Variants in CCSER1 observed in about 807,000 individuals in gnomAD.
CCSER1 encodes the protein serine-rich coiled-coil domain-containing protein 1.
Under a neutral mutation model 82.0 loss-of-function variants are expected in CCSER1, and 41 were observed. That is an observed-to-expected ratio of 0.50 (90% CI 0.39 to 0.65). CCSER1 has a LOEUF of 0.65. Ranked by LOEUF, CCSER1 falls within the 30% of genes least tolerant of loss-of-function variation. CCSER1 has a pLI of 0.00. For missense variants in CCSER1, 1,119 were observed against 1,064.2 expected (o/e 1.05, Z -0.72); for synonymous variants, 414 against 383.9 (o/e 1.08, Z -0.92).
At chr4:90,139,198 A>G (rs1399649237) in intron 1 of CCSER1, among the ~76,000 whole-genome samples, 1 of 151,364 alleles carries the variant, frequency 6.6e-6, no homozygotes, top group East Asian at 1.9e-4. Context: ...TCATAGAGAA[A>G]CTCTTATTTA....
At chr4:90,868,292 C>A (rs1765994316) in intron 8 of CCSER1, among the ~76,000 whole-genome samples, 1 of 151,994 alleles carries the variant, frequency 6.6e-6, no homozygotes, top group Non-Finnish European at 1.5e-5. Flanking sequence ...TGGCCTTATT[C>A]TTTCTAACTA....
chr4:90,463,602 C>A (rs1157149448), intron 4 of CCSER1, among the ~76,000 whole-genome samples: 2 of 151,994 alleles, frequency 1.3e-5, no homozygotes, highest in African/African-American at 2.4e-5. Context: ...TACATGGATC[C>A]TGGATATTTG....
chr4:90,907,700 T>A (rs1351937233), intron 8 of CCSER1, among the ~76,000 whole-genome samples: 1 of 152,032 alleles, frequency 6.6e-6, no homozygotes, highest in African/African-American at 2.4e-5. Flanking sequence ...TTTTTACCCG[T>A]TGTTTAATAT....
chr4:90,521,651 A>T (rs1419832483), intron 5 of CCSER1, among the ~76,000 whole-genome samples: 1 of 152,162 alleles, frequency 6.6e-6, no homozygotes, highest in African/African-American at 2.4e-5. Flanking sequence ...TTCAGGTTAG[A>T]GATAGAAACA....
intron 10 of CCSER1, among the ~76,000 whole-genome samples, chr4:91,166,692 T>C (rs1319176676): frequency 6.6e-6 from 1 of 151,586 alleles, no homozygotes; most frequent in Non-Finnish European, 1.5e-5. Flanking sequence ...TAAAGTTAGA[T>C]GAGAAAATAT....
chr4:91,240,272 T>G (rs1739305041), intron 10 of CCSER1, among the ~76,000 whole-genome samples: 1 of 64,338 alleles, frequency 1.6e-5, no homozygotes. Flanking sequence ...GAGACGGGGT[T>G]TCCCTGTGTT....
chr4:90,740,611 T>C (rs1746376645), intron 7 of CCSER1, among the ~76,000 whole-genome samples: 1 of 152,176 alleles, frequency 6.6e-6, no homozygotes, highest in Non-Finnish European at 1.5e-5. Context: ...TTCAGAAAGG[T>C]TGGTACAAGA....
intron 7 of CCSER1, among the ~76,000 whole-genome samples, chr4:90,737,393 C>G (rs1414203480): frequency 2.6e-5 from 4 of 152,046 alleles, no homozygotes; most frequent in Admixed American, 2.0e-4. Flanking sequence ...ATAAACTATT[C>G]TAGGATATAG....
chr4:90,236,258 G>T (rs1033226810), intron 1 of CCSER1, among the ~76,000 whole-genome samples: 2 of 152,128 alleles, frequency 1.3e-5, no homozygotes, highest in East Asian at 3.9e-4. Flanking sequence ...TGGAGGAAAA[G>T]AATCTTATGT....
intron 10 of CCSER1, among the ~76,000 whole-genome samples, chr4:91,189,349 G>A (rs549601488): frequency 2.0e-4 from 31 of 152,270 alleles, no homozygotes; most frequent in Admixed American, 1.2e-3. Flanking sequence ...GTACATGAAT[G>A]TACTTATTTT....
chr4:91,537,797 A>C (rs893702745), intron 10 of CCSER1, among the ~76,000 whole-genome samples: 3 of 140,546 alleles, frequency 2.1e-5, no homozygotes, highest in Admixed American at 7.3e-5. Context: ...CAGAGTATAT[A>C]TATTCCATGT....
chr4:90,545,741 A>G (rs1457342608), intron 5 of CCSER1, among the ~76,000 whole-genome samples: 1 of 152,158 alleles, frequency 6.6e-6, no homozygotes, highest in Admixed American at 6.6e-5. Context: ...GATATCTCAT[A>G]GTAAACTTCG....
At chr4:91,405,852 T>C (rs1405176554) in intron 10 of CCSER1, among the ~76,000 whole-genome samples, 3 of 152,150 alleles carry the variant, frequency 2.0e-5, no homozygotes. Flanking sequence ...CACCCTGCTT[T>C]GGCTTAATCT....
chr4:90,391,474 A>G (rs1578239561), intron 3 of CCSER1, among the ~76,000 whole-genome samples: 1 of 95,064 alleles, frequency 1.1e-5, no homozygotes, highest in Non-Finnish European at 1.9e-5. Flanking sequence ...ATATATATAT[A>G]TATATATATA....
chr4:90,595,002 T>A (rs1166805457), intron 5 of CCSER1, among the ~76,000 whole-genome samples: 1 of 152,074 alleles, frequency 6.6e-6, no homozygotes, highest in Admixed American at 6.6e-5. Context: ...TATATTTTTA[T>A]ACTTTAAGTG....
chr4:90,724,485 A>C (rs1271136874), intron 7 of CCSER1, among the ~76,000 whole-genome samples: 1 of 151,908 alleles, frequency 6.6e-6, no homozygotes, highest in African/African-American at 2.4e-5. Context: ...GTAAATATGC[A>C]AATAAGTATG....
intron 10 of CCSER1, among the ~76,000 whole-genome samples, chr4:91,086,453 T>A (rs955109118): frequency 6.6e-6 from 1 of 152,000 alleles, no homozygotes; most frequent in African/African-American, 2.4e-5. Flanking sequence ...ATGAAGTTGC[T>A]CTGGTAAAGC....
At position 90,465,314 on chromosome 4, in the gene CCSER1, C is replaced by T. The variant is rs560342955; in HGVS notation, c.1604-2920C>T. Among the ~76,000 whole-genome samples the T allele has an allele frequency of 2.7e-3, 397 of 148,424 alleles. 4 individuals are homozygous for T. Among genetic ancestry groups the T allele is most frequent in the African/African-American group, 9.3e-3 (366 of 39,306 alleles). ...ACCACCGCGCCCAGGCAGCACTTTC[C>T]GTGTTCTTTTTTTTTTTTTTTTTTG... On this transcript the variant is annotated intron_variant, in intron 4 of 10. Coordinates refer to ENST00000509176, the MANE Select transcript of CCSER1 (RefSeq NM_001145065.2).
intron 10 of CCSER1, among the ~76,000 whole-genome samples, chr4:91,475,859 T>A (rs1439957455): frequency 6.6e-6 from 1 of 151,858 alleles, no homozygotes; most frequent in Non-Finnish European, 1.5e-5. Flanking sequence ...GAGATTAATT[T>A]TTTTAGCTCC....
Sources: allele counts gnomAD v4.1 joint callset (sites outside exome capture counted in the v4.1 genomes callset), GRCh38; gene constraint gnomAD v4.1.1; transcripts MANE v1.5; gene names NCBI Gene and HGNC (gene_info 2026-07-23, HGNC 2026-07-21).